The following PLXNA3 variants were observed in gnomAD, a reference collection of about 807,000 sequenced individuals.
PLXNA3 encodes the protein plexin A3.
PLXNA3 carries 52 observed loss-of-function variants against 118.8 expected under a neutral mutation model. That is an observed-to-expected ratio of 0.44 (90% confidence interval 0.35 to 0.55). PLXNA3 has a LOEUF of 0.55. PLXNA3 is among the 20% of genes least tolerant of loss of function. PLXNA3 has a pLI of 0.01. For missense variants in PLXNA3, 1,660 were observed against 1,730.8 expected (o/e 0.96, Z 0.73); for synonymous variants, 925 against 762.4 (o/e 1.21, Z -3.51).
At position 154,472,746 on chromosome X, in the gene PLXNA3, GT is replaced by G; in HGVS notation, c.*62del. ...CTGTGCCGTCCTCCCATCCAGGGGA[GT>G]GGCTGGCTCAAGCCTGGGTCCCCGG... On this transcript the variant is annotated 3_prime_UTR_variant, in exon 33 of 33. Coordinates refer to ENST00000369682, the MANE Select transcript of PLXNA3 (RefSeq NM_017514.5). The G allele has an allele frequency of 1.1e-6, 1 of 903,750 alleles. No homozygotes were observed. The highest frequency in any genetic ancestry group is 1.6e-6 in the Non-Finnish European group (1 of 617,818). The allele number at this position is 903,750 out of a possible 1,213,427, so 74.5% of individuals were successfully genotyped here.
In PLXNA3 at chrX:154,476,438, CAA is replaced by C. The variant is rs2069236533; in HGVS notation, c.*3754_*3755del. 1.5e-5 allele frequency: 1 copy of C among 66,175 alleles called. No homozygotes were observed. Among genetic ancestry groups the C allele is most frequent in the East Asian group, 4.7e-4 (1 of 2,128 alleles). The allele number at this position is 66,175 out of a possible 1,213,427, so 5.5% of individuals were successfully genotyped here. A position where few individuals can be genotyped will look rare whatever the true frequency, so the allele number is the denominator to read the frequency against. ...CACCATTGCACTCCAGCCTGGGCAA[CAA>C]GAGTGAAACACTGTCTCAAAAAAAA... On this transcript the variant is annotated 3_prime_UTR_variant, in exon 33 of 33. Coordinates refer to ENST00000369682, the MANE Select transcript of PLXNA3 (RefSeq NM_017514.5).
Position 154,460,655 on chromosome X carries a change from C to G in PLXNA3, c.472C>G (p.Gln158Glu). The G allele has an allele frequency of 8.5e-7, 1 of 1,173,983 alleles. No individual in the cohort carries two copies. Among genetic ancestry groups the G allele is most frequent in the East Asian group, 3.0e-5 (1 of 33,492 alleles). Reference protein sequence around the residue: ...PDSMAGVIVEQGQGPSKLFVG... With the variant: ...PDSMAGVIVEEGQGPSKLFVG... The stretch of plus-strand genomic sequence containing the variant: ...CTCCATGGCTGGTGTCATTGTGGAG[C>G]AGGGCCAGGGGCCCAGCAAGCTGTT... Residue 158 changes from glutamine to glutamate, a missense_variant, in exon 2 of 33, where the codon CAG (glutamine) becomes GAG (glutamate). Physicochemically the swap from Gln to Glu is conservative, Grantham distance 29 (BLOSUM62 2). This residue lies in a region of PLXNA3 where 791 missense variants were observed against 652.1 expected (regional missense o/e 1.21). Transcript: ENST00000369682.
intron 26 of PLXNA3, 42 bp downstream of exon 26, chrX:154,469,257 T>C: frequency 8.4e-7 from 1 of 1,183,888 alleles, no homozygotes; most frequent in Non-Finnish European, 1.1e-6. Flanking sequence ...ACTCATACCC[T>C]CCTGTGCCGT....
rs73638285 is a variant in PLXNA3 at position 154,461,930 on chromosome X, G to A, written c.1135-198G>A. On this transcript the variant is annotated intron_variant, in intron 3 of 32. Coordinates refer to ENST00000369682, the MANE Select transcript of PLXNA3 (RefSeq NM_017514.5). The stretch of plus-strand genomic sequence containing the variant: ...CAAGAGTCTTGTGGGCCCAGGCTTC[G>A]CTCCTCGCTCCCTGCTGTCCCTCCT... Among the ~76,000 whole-genome samples, 529 of 112,041 alleles carry A rather than the reference G, an allele frequency of 4.7e-3. 3 individuals are homozygous for A. Among genetic ancestry groups the A allele is most frequent in the African/African-American group, 0.016 (502 of 30,872 alleles).
chrX:154,464,615 TG>T, intron 9 of PLXNA3, 114 bp downstream of exon 9: 1 of 704,682 alleles, frequency 1.4e-6, no homozygotes, highest in Non-Finnish European at 2.1e-6. Flanking sequence ...TGTCAGGCCC[TG>T]ATAGCCCCTG....
At position 154,474,198 on chromosome X, in the gene PLXNA3, GAGTGCAGTGGCAAGATCACAGCTC is replaced by G. The variant is rs2069219550; in HGVS notation, c.*1522_*1545del. The G allele has an allele frequency of 9.0e-6, 1 of 111,160 alleles. No individual in the cohort carries two copies. The highest frequency in any genetic ancestry group is 3.7e-4 in the South Asian group (1 of 2,673). 9.2% of individuals were successfully genotyped at this position (111,160 alleles called of 1,213,427 possible). ...GAGTGTAGCTGTGTTGCCCAGGCTG[GAGTGCAGTGGCAAGATCACAGCTC>G]AGTGCAGTCTCAAACTCCTGGGCTC... On this transcript the variant is annotated 3_prime_UTR_variant, in exon 33 of 33. Transcript: ENST00000369682.
In PLXNA3 at chrX:154,470,071, C is replaced by T. The variant is rs2069160417; in HGVS notation, c.4890C>T (p.His1630=). 3.3e-6 allele frequency: 4 copies of T among 1,210,229 alleles called. No homozygotes were observed. Among genetic ancestry groups the T allele is most frequent in the African/African-American group, 3.5e-5 (2 of 57,545 alleles). The change falls in exon 29 of 33, where the codon CAC becomes CAT. Residue 1630 remains histidine, a synonymous_variant. Transcript: ENST00000369682. Reference sequence around the variant, plus strand: ...AGGAGACAGGCACCAAATTGTGGCACCTGGTGAAAAACCACGACCATGCCG... The same window carrying T: ...AGGAGACAGGCACCAAATTGTGGCATCTGGTGAAAAACCACGACCATGCCG... The part of the protein sequence containing the change: ...PDQETGTKLW[H]LVKNHDHADH...
intron 31 of PLXNA3, 78 bp from the exon 32 acceptor site, chrX:154,471,410 G>A (rs1011943921): frequency 1.9e-5 from 22 of 1,151,097 alleles, no homozygotes; most frequent in African/African-American, 1.4e-4. Context: ...CAGGAAGCCC[G>A]GGGGCTGGCT....
Position 154,468,233 on chromosome X carries a change from C to T in PLXNA3, c.3963+9C>T, listed in dbSNP as rs2069124937. On this transcript the variant is annotated intron_variant, in intron 22 of 32. Coordinates refer to ENST00000369682, the MANE Select transcript of PLXNA3 (RefSeq NM_017514.5). ...TGCTCAAGGAGCTGGATGTGAGCCT[C>T]TGCCTGGCCTGCCCCCCACCATTCC... is the stretch of plus-strand genomic sequence containing the variant. 1 of 1,177,988 alleles carries T rather than the reference C, an allele frequency of 8.5e-7. No homozygotes were observed. Among genetic ancestry groups the T allele is most frequent in the South Asian group, 1.9e-5 (1 of 52,014 alleles).
At position 154,461,178 on chromosome X, in the gene PLXNA3, A is replaced by C. The variant is rs1557204047; in HGVS notation, c.674A>C (p.Tyr225Ser). The change falls in exon 3 of 33, where the codon TAC (tyrosine) becomes TCC (serine). Residue 225 changes from tyrosine (Y) to serine (S), a missense_variant. This residue lies in a region of PLXNA3 where 791 missense variants were observed against 652.1 expected (regional missense o/e 1.21). Coordinates refer to ENST00000369682, the MANE Select transcript of PLXNA3 (RefSeq NM_017514.5). ...TCCTTGTACCCTGCCTTTGACATCT[A>C]CTACATCTACGGCTTCGTCAGCGCC... ...TLSLYPAFDIYYIYGFVSASF... is the reference protein window; with the variant it reads ...TLSLYPAFDISYIYGFVSASF... 1 of 1,210,743 alleles carries C rather than the reference A, an allele frequency of 8.3e-7. No homozygotes were observed. The highest frequency in any genetic ancestry group is 1.1e-6 in the Non-Finnish European group (1 of 894,150).
chrX:154,461,029 G>A, intron 2 of PLXNA3, 70 bp from the exon 3 acceptor site: 1 of 964,641 alleles, frequency 1.0e-6, no homozygotes, highest in Non-Finnish European at 1.4e-6. Flanking sequence ...GATGCAGAGG[G>A]AAGCTGGCGG....
chrX:154,461,418 C>T lies in PLXNA3; in HGVS notation c.914C>T (p.Ala305Val). Residue 305 changes from alanine (A) to valine (V), a missense_variant, in exon 3 of 33, where the codon GCC (alanine) becomes GTC (valine). By Grantham distance (64) the Ala-to-Val change is moderately conservative (BLOSUM62 0). This residue lies in a region of PLXNA3 where 791 missense variants were observed against 652.1 expected (regional missense o/e 1.21). Coordinates refer to ENST00000369682, the MANE Select transcript of PLXNA3 (RefSeq NM_017514.5). Reference sequence around the variant, plus strand: ...CTGGCCAAGCCTGGCCTGCTGCTGGCCCAGGCCCTGGGCGTGCCGGCTGAT... The same window carrying T: ...CTGGCCAAGCCTGGCCTGCTGCTGGTCCAGGCCCTGGGCGTGCCGGCTGAT... ...AHLAKPGLLLAQALGVPADED... is the reference protein window; with the variant it reads ...AHLAKPGLLLVQALGVPADED... 1.7e-6 allele frequency: 2 copies of T among 1,211,187 alleles called. No homozygotes were observed. Among genetic ancestry groups the T allele is most frequent in the Non-Finnish European group, 2.2e-6 (2 of 894,790 alleles).
At position 154,464,854 on chromosome X, in the gene PLXNA3, G is replaced by A; in HGVS notation, c.2029G>A (p.Val677Ile). ...PHECSFQEGR[V>I]HSPEGCPEIL... ...CGAGTGCTCCTTCCAGGAGGGCAGG[G>A]TCCACAGCCCTGAGGTGAGGCGGGC... Residue 677 changes from valine (V) to isoleucine (I), a missense_variant, in exon 10 of 33, where the codon GTC becomes ATC. Val to Ile is a conservative substitution (Grantham distance 29). Around this residue, in one of 2 missense-constraint regions of PLXNA3, gnomAD observed 791 missense variants for 652.1 expected, o/e 1.21. Transcript: ENST00000369682. 3 of 1,198,314 alleles carry A rather than the reference G, an allele frequency of 2.5e-6. No individual in the cohort carries two copies. Among genetic ancestry groups the A allele is most frequent in the South Asian group, 1.8e-5 (1 of 55,608 alleles).
chrX:154,460,225 G>T lies in PLXNA3; in HGVS notation c.42G>T (p.Val14=), dbSNP rs375310385. ...TCCTCCTGCTGCTCTTCCTTGCCGTGGGGGGGGCCCTGGGCAACAGGCCCT... is the reference window on the plus strand; with the variant it reads ...TCCTCCTGCTGCTCTTCCTTGCCGTTGGGGGGGCCCTGGGCAACAGGCCCT... ...VCLLLLLFLA[V]GGALGNRPFR... is the part of the protein sequence containing the mutation. Residue 14 remains valine (V), a synonymous_variant, in exon 2 of 33, where the codon GTG becomes GTT. Transcript: ENST00000369682. 1.8e-5 allele frequency: 22 copies of T among 1,193,228 alleles called. No individual in the cohort carries two copies. The highest frequency in any genetic ancestry group is 2.4e-4 in the Middle Eastern group (1 of 4,096).
At position 154,476,154 on chromosome X, in the gene PLXNA3, ATAAT is replaced by A. The variant is rs1240694393; in HGVS notation, c.*3473_*3476del. The A allele has an allele frequency of 4.5e-5, 5 of 111,654 alleles. No individual in the cohort carries two copies. The highest frequency in any genetic ancestry group is 7.5e-5 in the Non-Finnish European group (4 of 53,063). 9.2% of individuals were successfully genotyped at this position (111,654 alleles called of 1,213,427 possible). On this transcript the variant is annotated 3_prime_UTR_variant, in exon 33 of 33. Transcript: ENST00000369682. ...AGACCCTGTATCAAAAAAAATAATA[ATAAT>A]TAAAAAACAAAAGATCGGCTGGGCG... is the stretch of plus-strand genomic sequence containing the variant.
At position 154,460,179 on chromosome X, in the gene PLXNA3, C is replaced by A; in HGVS notation, c.-5C>A. 1 of 1,183,875 alleles carries A rather than the reference C, an allele frequency of 8.4e-7. No homozygotes were observed. ...TAGGCCTGTCCCCAGGCGCGGCTGC[C>A]GGCCATGCCCTCTGTCTGCCTCCTC... On this transcript the variant is annotated 5_prime_UTR_variant, in exon 2 of 33. Transcript: ENST00000369682.
intron 4 of PLXNA3, 26 bp from the exon 5 acceptor site, chrX:154,463,365 G>A: frequency 3.3e-6 from 4 of 1,210,576 alleles, no homozygotes; most frequent in Non-Finnish European, 4.5e-6. Flanking sequence ...AGGCTGTGGT[G>A]GCATCAGGCT....
In PLXNA3 at chrX:154,467,838, G is replaced by T; in HGVS notation, c.3657G>T (p.Pro1219=). 10 of 1,206,882 alleles carry T rather than the reference G, an allele frequency of 8.3e-6. No homozygotes were observed. Among genetic ancestry groups the T allele is most frequent in the Non-Finnish European group, 1.1e-5 (10 of 895,083 alleles). The change falls in exon 21 of 33, where the codon CCG becomes CCT. Residue 1219 remains proline, a synonymous_variant. Transcript: ENST00000369682. The stretch of plus-strand genomic sequence containing the variant: ...CGGCAGAGCGGGCGCTGACCCTACC[G>T]GCCATGATGGGGCTGGCGGCGGGGG... ...HISAERALTL[P]AMMGLAAGGG...
rs2298858 is a variant in PLXNA3 at position 154,470,893 on chromosome X, G to A, written c.5157-212G>A. 785 of 445,412 alleles carry A rather than the reference G, an allele frequency of 1.8e-3. 5 individuals carry two copies. The East Asian group carries it at 0.022, about 13-fold the overall frequency. The allele number at this position is 445,412 out of a possible 1,213,427, so 36.7% of individuals were successfully genotyped here. On this transcript the variant is annotated intron_variant, in intron 30 of 32. Transcript: ENST00000369682. ...GTGGTCGGTCGCAGGTGGTGAGAGC[G>A]GTGACAGGAGAAGCTGCGGAGGGGG...
Sources: allele counts gnomAD v4.1 joint callset (sites outside exome capture counted in the v4.1 genomes callset), GRCh38; gene constraint gnomAD v4.1.1; regional missense constraint gnomAD v4.1.1; transcripts MANE v1.5; gene names NCBI Gene and HGNC (gene_info 2026-07-23, HGNC 2026-07-21).